Variants in TOR1AIP1 observed in about 807,000 individuals in gnomAD.
The protein encoded by TOR1AIP1 is torsin-1A-interacting protein 1.
TOR1AIP1 carries 54 observed loss-of-function variants against 63.3 expected under a neutral mutation model. That is an observed-to-expected ratio of 0.85 (90% CI 0.69 to 1.07). The LOEUF is 1.07. Among genes scored for constraint, TOR1AIP1 ranks in the 50% least tolerant of loss-of-function variants. The pLI is 0.00. For synonymous variants in TOR1AIP1, 294 were observed against 273.5 expected (o/e 1.07, Z -0.74); for missense variants, 736 against 715.0 (o/e 1.03, Z -0.33).
intron 3 of TOR1AIP1, among the ~76,000 whole-genome samples, chr1:179,891,134 A>G (rs1037143018): frequency 4.6e-5 from 7 of 152,238 alleles, no homozygotes; most frequent in African/African-American, 1.2e-4. Flanking sequence ...CATGTAATCA[A>G]TTTAGTCCTG....
At chr1:179,899,741 T>C (rs893172145) in intron 3 of TOR1AIP1, among the ~76,000 whole-genome samples, 1 of 152,080 alleles carries the variant, frequency 6.6e-6, no homozygotes, top group African/African-American at 2.4e-5. Context: ...GCTTCCCAGG[T>C]TCAAACTATT....
Position 179,884,558 on chromosome 1 carries a change from C to T in TOR1AIP1, c.476-134C>T, listed in dbSNP as rs1571720743. On this transcript the variant is annotated intron_variant, in intron 1 of 9. Coordinates refer to ENST00000606911, the MANE Select transcript of TOR1AIP1 (RefSeq NM_015602.4). ...GGTATATTTCCTAAGTTTTGGTAAA[C>T]CTAACCACCTGTTTCTAAAGAAACG... The T allele has an allele frequency of 2.0e-5, 13 of 656,398 alleles. No individual in the cohort carries two copies. The East Asian group carries it at 3.9e-4, about 20-fold the overall frequency. 40.7% of individuals were successfully genotyped at this position (656,398 alleles called of 1,614,324 possible).
chr1:179,908,947 C>T (rs1481665188), intron 8 of TOR1AIP1, among the ~76,000 whole-genome samples: 4 of 152,058 alleles, frequency 2.6e-5, no homozygotes, highest in Admixed American at 6.6e-5. Flanking sequence ...GGGTGGATCA[C>T]GAGGTCAGGA....
At chr1:179,891,662 T>C (rs2148472862) in intron 3 of TOR1AIP1, among the ~76,000 whole-genome samples, 1 of 152,184 alleles carries the variant, frequency 6.6e-6, no homozygotes, top group African/African-American at 2.4e-5. Flanking sequence ...GCCTCCCTGG[T>C]TCAAGTGATT....
chr1:179,896,644 T>G (rs1190472267), intron 3 of TOR1AIP1, among the ~76,000 whole-genome samples: 1 of 152,128 alleles, frequency 6.6e-6, no homozygotes, highest in African/African-American at 2.4e-5. Flanking sequence ...TTTTATGAGT[T>G]GGAAATGACA....
chr1:179,883,076 A>T (rs1344381028), intron 1 of TOR1AIP1, 99 bp downstream of exon 1: 2 of 1,107,186 alleles, frequency 1.8e-6, no homozygotes, highest in African/African-American at 3.1e-5. Flanking sequence ...GGTACTAAGT[A>T]CTGGGATTGG....
At chr1:179,905,333 A>G (rs760526842) in intron 6 of TOR1AIP1, among the ~76,000 whole-genome samples, 1 of 152,202 alleles carries the variant, frequency 6.6e-6, no homozygotes, top group Non-Finnish European at 1.5e-5. Context: ...GTGAGCCGAG[A>G]TTGTGTCACT....
chr1:179,889,887 T>C (rs796295550), intron 3 of TOR1AIP1, among the ~76,000 whole-genome samples: 6 of 152,228 alleles, frequency 3.9e-5, no homozygotes, highest in African/African-American at 1.4e-4. Flanking sequence ...CCTGGGTAAG[T>C]GATCCACCCA....
chr1:179,904,013 T>C lies in TOR1AIP1; in HGVS notation c.787T>C (p.Ser263Pro). ...SSQYIESFWQ[S>P]SQSQNFTAHD... is the part of the protein sequence containing the mutation. ...TCAATATATAGAATCATTTTGGCAG[T>C]CATCACAAAGTAAGTAAAGCTGTGT... Residue 263 changes from serine to proline, a missense_variant, in exon 6 of 10, where the codon TCA becomes CCA. Physicochemically the swap from Ser to Pro is moderately conservative, Grantham distance 74. Around this residue, in one of 2 missense-constraint regions of TOR1AIP1, gnomAD observed 464 missense variants for 371.0 expected, o/e 1.25. Transcript: ENST00000606911. 1 of 1,607,872 alleles carries C rather than the reference T, an allele frequency of 6.2e-7. No homozygotes were observed.
intron 6 of TOR1AIP1, among the ~76,000 whole-genome samples, chr1:179,906,740 C>G (rs1212723188): frequency 1.4e-5 from 2 of 139,862 alleles, no homozygotes; most frequent in East Asian, 2.1e-4. Context: ...GTTCCCCCCC[C>G]CCCTTTTTTT....
At chr1:179,885,540 A>G (rs1296509072) in intron 2 of TOR1AIP1, among the ~76,000 whole-genome samples, 1 of 152,084 alleles carries the variant, frequency 6.6e-6, no homozygotes, top group Non-Finnish European at 1.5e-5. Flanking sequence ...GCTTTTTTTG[A>G]TATTAGGAAA....
At position 179,917,699 on chromosome 1, in the gene TOR1AIP1, G is replaced by C; in HGVS notation, c.1212G>C (p.Arg404=). Residue 404 remains arginine, a synonymous_variant, in exon 10 of 10, where the codon CGG becomes CGC. Transcript: ENST00000606911. ...LEKHLNSSHP[R]SQPAILLLTA... ...AACATCTTAATAGCTCCCATCCTCG[G>C]TCTCAGCCTGCTATCTTACTGCTCA... 12 of 1,614,172 alleles carry C rather than the reference G, an allele frequency of 7.4e-6. No individual in the cohort carries two copies. The highest frequency in any genetic ancestry group is 9.3e-6 in the Non-Finnish European group (11 of 1,180,038).
In TOR1AIP1 at chr1:179,893,006, C is replaced by T. The variant is rs138362446; in HGVS notation, c.610+3637C>T. On this transcript the variant is annotated intron_variant, in intron 3 of 9. Transcript: ENST00000606911. Reference sequence around the variant, plus strand: ...CTATAATCCCAGCACTTTGGGAGGCCGAGGCGGGTGGATCACCTGAGGTCA... The same window carrying T: ...CTATAATCCCAGCACTTTGGGAGGCTGAGGCGGGTGGATCACCTGAGGTCA... Among the ~76,000 whole-genome samples, 809 of 152,100 alleles carry T rather than the reference C, an allele frequency of 5.3e-3. 8 individuals are homozygous for T. Among genetic ancestry groups the T allele is most frequent in the South Asian group, 0.022 (104 of 4,824 alleles).
chr1:179,918,054 C>G lies in TOR1AIP1; in HGVS notation c.1567C>G (p.Leu523Val), dbSNP rs369453075. ...GGAGGAAGAGACACTTGGAACAAGT[C>G]TAGGCCTAAAGGAAGTTGAAGAAAA... ...LLEEETLGTSLGLKEVEEKVR... is the reference protein window; with the variant it reads ...LLEEETLGTSVGLKEVEEKVR... The change falls in exon 10 of 10, where the codon CTA becomes GTA. Residue 523 changes from leucine to valine, a missense_variant. Physicochemically the swap from Leu to Val is conservative, Grantham distance 32. Transcript: ENST00000606911. 2.5e-6 allele frequency: 4 copies of G among 1,614,178 alleles called. No homozygotes were observed. The highest frequency in any genetic ancestry group is 3.3e-5 in the Admixed American group (2 of 60,016).
intron 8 of TOR1AIP1, among the ~76,000 whole-genome samples, 172 bp from the exon 9 acceptor site, chr1:179,913,826 A>G (rs1648909947): frequency 6.6e-6 from 1 of 152,224 alleles, no homozygotes; most frequent in Non-Finnish European, 1.5e-5. Context: ...ATGTGTTTCA[A>G]GGAGCTCTCA....
intron 9 of TOR1AIP1, among the ~76,000 whole-genome samples, 183 bp downstream of exon 9, chr1:179,914,237 GACA>G (rs548836888): frequency 1.7e-4 from 26 of 152,284 alleles, no homozygotes; most frequent in African/African-American, 6.3e-4. Flanking sequence ...AACTTTATGA[GACA>G]ACATCTGGTA....
Position 179,917,844 on chromosome 1 carries a change from G to A in TOR1AIP1, c.1357G>A (p.Asp453Asn), listed in dbSNP as rs1649068870. Residue 453 changes from aspartate to asparagine, a missense_variant, in exon 10 of 10, where the codon GAC (aspartate) becomes AAC (asparagine). By Grantham distance (23) the Asp-to-Asn change is conservative. Coordinates refer to ENST00000606911, the MANE Select transcript of TOR1AIP1 (RefSeq NM_015602.4). ...TGATGGGACAGATAAAGCTACTCAAGACAGTGATACTGTCAAACTAGAGGT... is the reference window on the plus strand; with the variant it reads ...TGATGGGACAGATAAAGCTACTCAAAACAGTGATACTGTCAAACTAGAGGT... ...RIDGTDKATQ[D>N]SDTVKLEVDQ... 3.1e-6 allele frequency: 5 copies of A among 1,614,076 alleles called. No individual in the cohort carries two copies. Among genetic ancestry groups the A allele is most frequent in the Non-Finnish European group, 4.2e-6 (5 of 1,180,046 alleles).
In TOR1AIP1 at chr1:179,898,497, ATAAT is replaced by A. The variant is rs1159493352; in HGVS notation, c.611-1626_611-1623del. ...CTATACAAAAATATGAAGTACTATAATAATTATGCACTTAGATAATAAAACTTCA... is the reference window on the plus strand; with the variant it reads ...CTATACAAAAATATGAAGTACTATAATATGCACTTAGATAATAAAACTTCA... On this transcript the variant is annotated intron_variant, in intron 3 of 9. Transcript: ENST00000606911. Among the ~76,000 whole-genome samples the A allele has an allele frequency of 1.1e-4, 17 of 152,348 alleles. No homozygotes were observed. The South Asian group carries it at 1.2e-3, about 11-fold the overall frequency.
intron 2 of TOR1AIP1, among the ~76,000 whole-genome samples, chr1:179,888,229 T>C (rs546536271): frequency 5.9e-5 from 9 of 152,298 alleles, no homozygotes; most frequent in African/African-American, 1.9e-4. Flanking sequence ...GTAGTTGTAA[T>C]ATGTGGAGTA....
Sources: allele counts gnomAD v4.1 joint callset (sites outside exome capture counted in the v4.1 genomes callset), GRCh38; gene constraint gnomAD v4.1.1; regional missense constraint gnomAD v4.1.1; transcripts MANE v1.5; gene names NCBI Gene and HGNC (gene_info 2026-07-23, HGNC 2026-07-21).